Variants in CSRNP2 observed in about 807,000 individuals in gnomAD.
CSRNP2 encodes the protein cysteine and serine rich nuclear protein 2.
Under a neutral mutation model 36.6 loss-of-function variants are expected in CSRNP2, and 11 were observed. The ratio of observed to expected loss-of-function variants is 0.30; its 90% CI spans 0.19 to 0.50. The LOEUF (loss-of-function observed/expected upper bound fraction) is 0.50. Ranked by LOEUF, CSRNP2 falls within the 20% of genes least tolerant of loss-of-function variation. The pLI is 0.98. For synonymous variants in CSRNP2, 248 were observed against 275.3 expected, an observed-to-expected ratio of 0.90 and a Z score of 0.98; for missense variants, 483 against 691.4, an observed-to-expected ratio of 0.70 and a Z score of 3.38.
chr12:51,079,967 G>A (rs1939562229), intron 1 of CSRNP2, among the ~76,000 whole-genome samples: 2 of 149,904 alleles, frequency 1.3e-5, no homozygotes, highest in African/African-American at 2.4e-5. Context: ...CAGCTACTCA[G>A]GAGGCTGAGG....
intron 3 of CSRNP2, among the ~76,000 whole-genome samples, chr12:51,070,508 T>A (rs1939054394): frequency 6.6e-6 from 1 of 152,114 alleles, no homozygotes; most frequent in African/African-American, 2.4e-5. Context: ...ACGAGGACAC[T>A]CATATAGATG....
In CSRNP2 at chr12:51,063,794, C is replaced by A; in HGVS notation, c.1584G>T (p.Glu528Asp). The A allele has an allele frequency of 6.3e-7, 1 of 1,598,778 alleles. No individual in the cohort carries two copies. The highest frequency in any genetic ancestry group is 8.5e-7 in the Non-Finnish European group (1 of 1,172,152). ...AGGAAGAATCTTCAGGGGGCCGATC[C>A]TCATTCTGCTGGGAGGTCTTCACCA... is the stretch of plus-strand genomic sequence containing the variant. ...CGMVKTSQQN[E>D]DRPPEDSSLE... Residue 528 changes from glutamate (E) to aspartate (D), a missense_variant, in exon 5 of 5, where the codon GAG (glutamate) becomes GAT (aspartate). By Grantham distance (45) the Glu-to-Asp change is conservative. Transcript: ENST00000228515.
In CSRNP2 at chr12:51,064,640, G is replaced by A. The variant is rs573755995; in HGVS notation, c.738C>T (p.Cys246=). 9.8e-6 allele frequency: 15 copies of A among 1,531,858 alleles called. No homozygotes were observed. In the South Asian group the frequency reaches 1.8e-4, roughly 18 times the overall value. The allele number at this position is 1,531,858 out of a possible 1,614,324, so 94.9% of individuals were successfully genotyped here. A position where few individuals can be genotyped will look rare whatever the true frequency, so the allele number is the denominator to read the frequency against. ...CCATGTTCCCACAGCCATCCCGGGA[G>A]CAGCCACATGGAAAGGACATGCGAT... ...QVDRMSFPCG[C]SRDGCGNMAG... is the part of the protein sequence containing the mutation. Residue 246 remains cysteine, a synonymous_variant, in exon 5 of 5, where the codon TGC becomes TGT. Coordinates refer to ENST00000228515, the MANE Select transcript of CSRNP2 (RefSeq NM_030809.3).
intron 1 of CSRNP2, among the ~76,000 whole-genome samples, chr12:51,079,386 A>T (rs960776874): frequency 2.6e-5 from 4 of 152,102 alleles, no homozygotes; most frequent in Non-Finnish European, 5.9e-5. Flanking sequence ...CCGATCGACA[A>T]ACAAATTTCT....
In CSRNP2 at chr12:51,063,919, C is replaced by A; in HGVS notation, c.1459G>T (p.Glu487Ter). Residue 487 changes from glutamate (E) to a stop codon, truncating the protein, a stop_gained, in exon 5 of 5, where the codon GAA becomes TAA. Coordinates refer to ENST00000228515, the MANE Select transcript of CSRNP2 (RefSeq NM_030809.3). LOFTEE classifies it high-confidence loss of function. ...KTPTLEALLP[E>*]DCNPEEPENE... ...TCAGGCTCCTCAGGGTTACAATCTT[C>A]GGGCAATAGAGCTTCTAGGGTGGGT... 2 of 1,613,886 alleles carry A rather than the reference C, an allele frequency of 1.2e-6. No individual in the cohort carries two copies. The highest frequency in any genetic ancestry group is 1.3e-5 in the African/African-American group (1 of 75,026).
intron 1 of CSRNP2, among the ~76,000 whole-genome samples, chr12:51,077,065 A>AAAAAG (rs372245514): frequency 0.015 from 2,238 of 151,036 alleles, 60 homozygotes; most frequent in African/African-American, 0.051. Context: ...AAAAAAGGAA[A>AAAAAG]AAAAGAAAAG....
Position 51,073,929 on chromosome 12 carries a change from A to T in CSRNP2, c.305T>A (p.Val102Glu), listed in dbSNP as rs753937787. The stretch of plus-strand genomic sequence containing the variant: ...AAACTCACAGAGTGTATAGCTCCGT[A>T]CAGAGTTATGGCGCTGGGCCATGCC... ...SLGMAQRHNS[V>E]RSYTLCEFAQ... Residue 102 changes from valine (V) to glutamate (E), a missense_variant, in exon 3 of 5, where the codon GTA (valine) becomes GAA (glutamate). Physicochemically the swap from Val to Glu is moderately radical, Grantham distance 121. Coordinates refer to ENST00000228515, the MANE Select transcript of CSRNP2 (RefSeq NM_030809.3). The T allele has an allele frequency of 6.2e-7, 1 of 1,614,066 alleles. No homozygotes were observed.
At chr12:51,075,455 G>A (rs1939356415) in intron 2 of CSRNP2, among the ~76,000 whole-genome samples, 1 of 152,148 alleles carries the variant, frequency 6.6e-6, no homozygotes, top group Admixed American at 6.5e-5. Flanking sequence ...ATGGCAACTG[G>A]CTACTGTTGG....
At position 51,063,504 on chromosome 12, in the gene CSRNP2, T is replaced by C. The variant is rs911155449; in HGVS notation, c.*242A>G. On this transcript the variant is annotated 3_prime_UTR_variant, in exon 5 of 5. Transcript: ENST00000228515. ...TGTTCCAGTGGCCCAGAAAGCTTAA[T>C]GTTCAGCACTACGCAGCTTTCTTTG... 6.6e-6 allele frequency: 2 copies of C among 301,546 alleles called. No individual in the cohort carries two copies. Among genetic ancestry groups the C allele is most frequent in the African/African-American group, 4.3e-5 (2 of 46,562 alleles). The allele number at this position is 301,546 out of a possible 1,614,324, so 18.7% of individuals were successfully genotyped here.
rs752869617 is a variant in CSRNP2 at position 51,063,879 on chromosome 12, T to TGGAA, written c.1495_1498dup (p.His500LeufsTer17). ...GAGGCTTGAGGGGGACCAGGAAGGG[T>TGGAA]GGAAGTCTTCATTTTCAGGCTCCTC... On this transcript the variant is annotated frameshift_variant, in exon 5 of 5. Transcript: ENST00000228515. LOFTEE classifies it high-confidence loss of function. 1 of 1,613,850 alleles carries TGGAA rather than the reference T, an allele frequency of 6.2e-7. No individual in the cohort carries two copies. The highest frequency in any genetic ancestry group is 1.3e-5 in the African/African-American group (1 of 74,872).
intron 3 of CSRNP2, among the ~76,000 whole-genome samples, chr12:51,072,599 C>A: frequency 1.8e-5 from 2 of 114,284 alleles, no homozygotes; most frequent in Non-Finnish European, 3.6e-5. Context: ...AAAAGAGTGG[C>A]TATGAAGAGC....
chr12:51,078,348 C>T (rs1225095335), intron 1 of CSRNP2, among the ~76,000 whole-genome samples: 1 of 151,958 alleles, frequency 6.6e-6, no homozygotes, highest in Non-Finnish European at 1.5e-5. Flanking sequence ...AAACCTCAGC[C>T]ATCAGAAGTC....
intron 1 of CSRNP2, among the ~76,000 whole-genome samples, chr12:51,079,280 C>T (rs1446233393): frequency 1.3e-5 from 2 of 151,494 alleles, no homozygotes; most frequent in Non-Finnish European, 2.9e-5. Context: ...TTAACGGGTG[C>T]AGCACACCAA....
In CSRNP2 at chr12:51,063,846, CGGAAGG is replaced by C. The variant is rs781477255; in HGVS notation, c.1526_1531del (p.Pro509_Phe510del). On this transcript the variant is annotated inframe_deletion, in exon 5 of 5. Coordinates refer to ENST00000228515, the MANE Select transcript of CSRNP2 (RefSeq NM_030809.3). Reference sequence around the variant, plus strand: ...CCCACAGCCCTCTTCATTGTCCGTGCGGAAGGGGAGGCTTGAGGGGGACCAGGAAGG... The same window carrying C: ...CCCACAGCCCTCTTCATTGTCCGTGCGGAGGCTTGAGGGGGACCAGGAAGG... 3 of 1,613,724 alleles carry C rather than the reference CGGAAGG, an allele frequency of 1.9e-6. No individual in the cohort carries two copies. Among genetic ancestry groups the C allele is most frequent in the African/African-American group, 1.3e-5 (1 of 74,860 alleles).
rs1446725020 is a variant in CSRNP2 at position 51,077,180 on chromosome 12, A to C, written c.-86-533T>G. ...GGCTGGTCTTGAACACCTGGGCTCG[A>C]GCAATCCTCCTGCCTCAGCCTCCAG... On this transcript the variant is annotated intron_variant, in intron 1 of 4. Coordinates refer to ENST00000228515, the MANE Select transcript of CSRNP2 (RefSeq NM_030809.3). Among the ~76,000 whole-genome samples, 3 of 152,122 alleles carry C rather than the reference A, an allele frequency of 2.0e-5. No individual in the cohort carries two copies. The South Asian group carries it at 6.2e-4, about 32-fold the overall frequency.
intron 3 of CSRNP2, among the ~76,000 whole-genome samples, chr12:51,071,183 C>G (rs961728437): frequency 1.3e-5 from 2 of 149,432 alleles, no homozygotes; most frequent in Admixed American, 1.4e-4. Flanking sequence ...TCGCTTGAAC[C>G]TGGGAGGCGG....
At chr12:51,074,125 T>C in intron 2 of CSRNP2, 43 bp from the exon 3 acceptor site, 1 of 1,569,784 alleles carries the variant, frequency 6.4e-7, no homozygotes, top group African/African-American at 1.4e-5. Flanking sequence ...ATTTTTCTAT[T>C]TATTTATTTA....
chr12:51,066,109 C>T (rs1218585652), intron 4 of CSRNP2, among the ~76,000 whole-genome samples: 2 of 152,000 alleles, frequency 1.3e-5, no homozygotes, highest in African/African-American at 2.4e-5. Context: ...CACCTGAGGT[C>T]AGGCGTTTGA....
intron 3 of CSRNP2, among the ~76,000 whole-genome samples, chr12:51,069,287 C>CTTTT (rs71089740): frequency 7.4e-5 from 9 of 121,310 alleles, no homozygotes; most frequent in East Asian, 2.5e-4. Context: ...CTTCTCCTTT[C>CTTTT]TTTTTTTTTT....
Sources: gnomAD v4.1 joint callset for allele counts (sites outside exome capture counted in the v4.1 genomes callset) on GRCh38, gnomAD v4.1.1 for gene constraint, MANE v1.5 for transcripts, NCBI Gene and HGNC (gene_info 2026-07-23, HGNC 2026-07-21) for gene names.